The following DMD variants were observed in gnomAD, a reference collection of about 807,000 sequenced individuals.
DMD encodes the protein dystrophin.
DMD carries 63 observed loss-of-function variants against 330.1 expected under a neutral mutation model. The ratio of observed to expected loss-of-function variants is 0.19; its 90% CI spans 0.16 to 0.24. DMD has a LOEUF of 0.24. Ranked by LOEUF, DMD falls within the 10% of genes least tolerant of loss-of-function variation. The probability of loss-of-function intolerance (pLI) is 1.00; values close to 1 mark genes in which losing one functional copy is unlikely to be tolerated. For synonymous variants in DMD, 1,223 were observed against 959.8 expected (o/e 1.27, Z -5.07); for missense variants, 3,344 against 2,684.1 (o/e 1.25, Z -5.43).
intron 64 of DMD, among the ~76,000 whole-genome samples, chrX:31,219,182 G>A (rs191047422): frequency 1.6e-4 from 18 of 111,000 alleles, no homozygotes; most frequent in African/African-American, 4.9e-4. Context: ...TTCCATATGC[G>A]TTCACAGCTT....
At chrX:32,805,455 G>A (rs1175697143) in intron 7 of DMD, among the ~76,000 whole-genome samples, 4 of 111,854 alleles carry the variant, frequency 3.6e-5, no homozygotes, top group African/African-American at 1.3e-4. Context: ...CACGAAATAT[G>A]GGACTATGTG....
intron 63 of DMD, among the ~76,000 whole-genome samples, chrX:31,236,330 A>T (rs1418994562): frequency 8.9e-6 from 1 of 112,625 alleles, no homozygotes; most frequent in Non-Finnish European, 1.9e-5. Flanking sequence ...TATTAACTGC[A>T]ACCAAAAGTC....
chrX:33,232,631 C>T (rs913253695), intron 1 of DMD, among the ~76,000 whole-genome samples: 5 of 111,611 alleles, frequency 4.5e-5, no homozygotes, highest in Admixed American at 2.9e-4. Context: ...AGTCTCACAC[C>T]TGTAATCCTA....
chrX:31,799,994 GCCCTTGTGGCTTTGCAGGGTACAGCCC>G (rs2091988712), intron 50 of DMD, among the ~76,000 whole-genome samples: 1 of 112,864 alleles, frequency 8.9e-6, no homozygotes, highest in Non-Finnish European at 1.9e-5. Flanking sequence ...GGGCAGCTCT[GCCCTTGTGGCTTTGCAGGGTACAGCCC>G]CCTCCCAGCT....
chrX:32,897,821 A>C (rs1243940657), intron 2 of DMD, among the ~76,000 whole-genome samples: 32 of 111,015 alleles, frequency 2.9e-4, no homozygotes, highest in Non-Finnish European at 1.9e-5. Context: ...TTTTTTAATT[A>C]GTCTTCCCCC....
intron 1 of DMD, among the ~76,000 whole-genome samples, chrX:33,231,009 T>C (rs893956051): frequency 2.7e-5 from 3 of 111,435 alleles, no homozygotes; most frequent in African/African-American, 6.5e-5. Flanking sequence ...TGGTACTTCA[T>C]GAGTATTTTG....
intron 18 of DMD, among the ~76,000 whole-genome samples, chrX:32,511,531 A>G (rs1337620595): frequency 9.4e-6 from 1 of 106,443 alleles, no homozygotes; most frequent in Non-Finnish European, 1.9e-5. Flanking sequence ...CGGGAAAAAA[A>G]AAAAAAAAAA....
At chrX:33,163,833 T>C (rs2048925679) in intron 1 of DMD, among the ~76,000 whole-genome samples, 1 of 110,055 alleles carries the variant, frequency 9.1e-6, no homozygotes, top group Non-Finnish European at 1.9e-5. Context: ...TCTAAGCCAA[T>C]ATCTTAGAAA....
intron 1 of DMD, among the ~76,000 whole-genome samples, chrX:33,156,880 A>G (rs2048530698): frequency 1.8e-5 from 2 of 111,636 alleles, no homozygotes; most frequent in Non-Finnish European, 3.8e-5. Context: ...CCTGACCCAC[A>G]ATTCAAACGT....
intron 1 of DMD, among the ~76,000 whole-genome samples, chrX:33,305,080 G>C (rs1247675016): frequency 7.4e-5 from 8 of 108,358 alleles, no homozygotes; most frequent in Non-Finnish European, 1.5e-4. Context: ...TATACCCAAA[G>C]GACTATAAAT....
intron 47 of DMD, among the ~76,000 whole-genome samples, chrX:31,879,334 T>G (rs2149699373): frequency 9.0e-6 from 1 of 110,591 alleles, no homozygotes; most frequent in South Asian, 3.9e-4. Context: ...CTTGTGAAAC[T>G]TACTGATTAT....
At chrX:31,541,779 A>G (rs2073844423) in intron 55 of DMD, among the ~76,000 whole-genome samples, 1 of 110,708 alleles carries the variant, frequency 9.0e-6, no homozygotes, top group South Asian at 3.9e-4. Context: ...GCTACTGTAA[A>G]TAGTGCCGCA....
chrX:32,785,133 A>C (rs192914428), intron 7 of DMD, among the ~76,000 whole-genome samples: 188 of 110,003 alleles, frequency 1.7e-3, no homozygotes, highest in African/African-American at 5.8e-3. Context: ...GATGTGGTCA[A>C]ATCAACCCAT....
chrX:32,035,693 G>A, intron 44 of DMD: 1 of 155,987 alleles, frequency 6.4e-6, no homozygotes, highest in Non-Finnish European at 1.2e-5. Context: ...TTTGGACAGT[G>A]GGATAATAAG....
At chrX:33,311,739 T>G (rs2053852285) in intron 1 of DMD, among the ~76,000 whole-genome samples, 1 of 109,705 alleles carries the variant, frequency 9.1e-6, no homozygotes, top group South Asian at 3.9e-4. Context: ...AGGGTTCTGT[T>G]TAGGATATAG....
chrX:31,817,681 G>A lies in DMD; in HGVS notation c.7309+2294C>T, dbSNP rs17340990. Among the ~76,000 whole-genome samples, 293 of 111,474 alleles carry A rather than the reference G, an allele frequency of 2.6e-3. 2 individuals are homozygous for A. In the East Asian group the frequency reaches 0.037, roughly 14 times the overall value. ...GACTCTCCATACTGGCAGCAATGTG[G>A]AGGACATAGGAGAAGACAAGAGTGG... On this transcript the variant is annotated intron_variant, in intron 50 of 78. Coordinates refer to ENST00000357033, the MANE Select transcript of DMD (RefSeq NM_004006.3).
At chrX:31,538,373 T>C (rs1453797474) in intron 55 of DMD, among the ~76,000 whole-genome samples, 2 of 112,348 alleles carry the variant, frequency 1.8e-5, no homozygotes, top group Non-Finnish European at 3.8e-5. Context: ...TAGTAGTTAC[T>C]TGTTTAATTT....
At chrX:32,136,005 T>C (rs1157957180) in intron 44 of DMD, among the ~76,000 whole-genome samples, 2 of 112,115 alleles carry the variant, frequency 1.8e-5, no homozygotes, top group Non-Finnish European at 3.8e-5. Flanking sequence ...TAAAAAAATC[T>C]GATTCCATAA....
chrX:32,279,240 G>A (rs751052755), intron 43 of DMD, among the ~76,000 whole-genome samples: 4 of 111,699 alleles, frequency 3.6e-5, no homozygotes, highest in African/African-American at 9.7e-5. Flanking sequence ...AACCAAAATG[G>A]AGAATAGTTT....
Sources: gnomAD v4.1 joint callset for allele counts (sites outside exome capture counted in the v4.1 genomes callset) on GRCh38, gnomAD v4.1.1 for gene constraint, MANE v1.5 for transcripts, NCBI Gene and HGNC (gene_info 2026-07-23, HGNC 2026-07-21) for gene names.